The following GRM5 variants were observed in gnomAD, a reference collection of about 807,000 sequenced individuals.
GRM5 encodes the protein glutamate metabotropic receptor 5, also known as metabotropic glutamate receptor 5.
GRM5 carries 19 observed loss-of-function variants against 83.1 expected under a neutral mutation model. The ratio of observed to expected loss-of-function variants is 0.23; its 90% CI spans 0.16 to 0.34. The LOEUF (loss-of-function observed/expected upper bound fraction) is 0.34. Ranked by LOEUF, GRM5 falls within the 10% of genes least tolerant of loss-of-function variation. GRM5 has a pLI of 1.00. For missense variants in GRM5, 1,160 were observed against 1,588.3 expected (o/e 0.73, Z 4.58); for synonymous variants, 675 against 633.6 (o/e 1.07, Z -0.98).
intron 3 of GRM5, among the ~76,000 whole-genome samples, chr11:88,818,767 C>G (rs1026224401): frequency 1.3e-5 from 2 of 151,920 alleles, no homozygotes; most frequent in African/African-American, 2.4e-5. Context: ...TATAAATATT[C>G]AATGAAATCA....
chr11:88,644,047 A>G (rs1373700200), intron 4 of GRM5, among the ~76,000 whole-genome samples: 1 of 152,216 alleles, frequency 6.6e-6, no homozygotes, highest in Non-Finnish European at 1.5e-5. Context: ...TGAATGTGAA[A>G]AACTTGCACA....
chr11:88,816,974 T>C (rs541174688), intron 3 of GRM5, among the ~76,000 whole-genome samples: 42 of 152,324 alleles, frequency 2.8e-4, no homozygotes, highest in African/African-American at 9.4e-4. Context: ...TCGGTCTGTC[T>C]ATCTATCTAC....
chr11:88,940,968 C>T lies in GRM5; in HGVS notation c.662-90813G>A, dbSNP rs139328663. 4.1e-3 allele frequency among the ~76,000 whole-genome samples: 627 copies of T among 152,036 alleles called. 6 individuals are homozygous for T. The highest frequency in any genetic ancestry group is 0.013 in the African/African-American group (546 of 41,518). On this transcript the variant is annotated intron_variant, in intron 2 of 9. Transcript: ENST00000305447. ...TATGTGACAATGTGTTAAGTGCATA[C>T]GCACAGTTTTCCCCCTAACTCTATC...
chr11:88,536,059 C>T (rs1942123314), intron 8 of GRM5, among the ~76,000 whole-genome samples: 1 of 152,160 alleles, frequency 6.6e-6, no homozygotes, highest in Admixed American at 6.5e-5. Context: ...TTCCTGAAAG[C>T]TATGCTAGTT....
chr11:88,600,136 A>T (rs1937937563), intron 5 of GRM5, among the ~76,000 whole-genome samples: 1 of 152,104 alleles, frequency 6.6e-6, no homozygotes, highest in Admixed American at 6.5e-5. Context: ...CAATCACAAG[A>T]CACTTTAATA....
At chr11:88,654,726 C>A (rs550927400) in intron 3 of GRM5, among the ~76,000 whole-genome samples, 2 of 152,052 alleles carry the variant, frequency 1.3e-5, no homozygotes, top group Non-Finnish European at 2.9e-5. Flanking sequence ...TTCCATTTAA[C>A]AGAATGTTAA....
At chr11:88,639,591 ATT>A (rs112279173) in intron 4 of GRM5, among the ~76,000 whole-genome samples, 4 of 142,700 alleles carry the variant, frequency 2.8e-5, no homozygotes, top group Non-Finnish European at 3.1e-5. Context: ...CTGCAAGTTC[ATT>A]TTTTTTTTTT....
At chr11:88,964,158 G>A (rs1296046920) in intron 2 of GRM5, among the ~76,000 whole-genome samples, 9 of 152,000 alleles carry the variant, frequency 5.9e-5, no homozygotes, top group Admixed American at 2.6e-4. Context: ...ATAATAGTAG[G>A]CAGCCCTGAA....
intron 2 of GRM5, among the ~76,000 whole-genome samples, chr11:88,974,505 T>A (rs887363611): frequency 6.6e-6 from 1 of 152,162 alleles, no homozygotes; most frequent in Non-Finnish European, 1.5e-5. Context: ...TATGTATGAA[T>A]GAATCATAAA....
intron 3 of GRM5, among the ~76,000 whole-genome samples, chr11:88,734,577 A>G (rs926615058): frequency 2.6e-5 from 4 of 152,098 alleles, no homozygotes; most frequent in Non-Finnish European, 5.9e-5. Context: ...CAGTTACAAC[A>G]TAAGTTGATC....
chr11:88,768,157 AT>A (rs2135446658), intron 3 of GRM5, among the ~76,000 whole-genome samples: 1 of 152,148 alleles, frequency 6.6e-6, no homozygotes, highest in South Asian at 2.1e-4. Context: ...TTCAAAGTGT[AT>A]TATTTGCCAC....
chr11:88,568,559 C>A (rs1284890950), intron 7 of GRM5, among the ~76,000 whole-genome samples: 3 of 152,074 alleles, frequency 2.0e-5, no homozygotes, highest in African/African-American at 7.2e-5. Context: ...AATCCTAGAT[C>A]AGTAGGAAGT....
At chr11:88,898,064 T>C (rs972708287) in intron 2 of GRM5, among the ~76,000 whole-genome samples, 17 of 151,872 alleles carry the variant, frequency 1.1e-4, no homozygotes, top group Admixed American at 5.3e-4. Context: ...CTCTAAAACT[T>C]GTAGGGAAAT....
intron 2 of GRM5, among the ~76,000 whole-genome samples, chr11:89,041,984 A>C (rs1941546066): frequency 6.6e-6 from 1 of 152,210 alleles, no homozygotes; most frequent in South Asian, 2.1e-4. Context: ...ACCCAGGAAA[A>C]GGAGCACTTC....
chr11:88,800,437 A>G (rs530477929), intron 3 of GRM5, among the ~76,000 whole-genome samples: 1 of 152,076 alleles, frequency 6.6e-6, no homozygotes, highest in Non-Finnish European at 1.5e-5. Context: ...CTTCTAGATT[A>G]CTTGCAAAAC....
rs1180733559 is a variant in GRM5, at chr11:88,839,754, A to G, written c.911+10152T>C. On this transcript the variant is annotated intron_variant, in intron 3 of 9. Coordinates refer to ENST00000305447, the MANE Select transcript of GRM5 (RefSeq NM_001143831.3). ...TTACACAGTCAAATATCTATATATA[A>G]CTTTTGACTCTCCTAAATCTTAACT... 5.3e-5 allele frequency among the ~76,000 whole-genome samples: 8 copies of G among 152,324 alleles called. No homozygotes were observed. The East Asian group carries it at 1.5e-3, about 29-fold the overall frequency.
At chr11:88,634,838 T>C (rs1939074672) in intron 4 of GRM5, among the ~76,000 whole-genome samples, 2 of 152,216 alleles carry the variant, frequency 1.3e-5, no homozygotes, top group Non-Finnish European at 2.9e-5. Context: ...CAGGGTTTAT[T>C]TACATCAGCA....
At chr11:88,763,792 A>T (rs1173957235) in intron 3 of GRM5, among the ~76,000 whole-genome samples, 1 of 151,840 alleles carries the variant, frequency 6.6e-6, no homozygotes, top group Non-Finnish European at 1.5e-5. Context: ...ATAAAAAATC[A>T]GATAAACCCA....
intron 2 of GRM5, among the ~76,000 whole-genome samples, chr11:89,009,929 A>AAATAAAC (rs752780249): frequency 9.8e-6 from 1 of 102,334 alleles, no homozygotes; most frequent in Non-Finnish European, 1.9e-5. Flanking sequence ...AAAAAAAAAA[A>AAATAAAC]ACACACACAA....
Sources: gnomAD v4.1 joint callset for allele counts (sites outside exome capture counted in the v4.1 genomes callset) on GRCh38, gnomAD v4.1.1 for gene constraint, MANE v1.5 for transcripts, NCBI Gene and HGNC (gene_info 2026-07-23, HGNC 2026-07-21) for gene names.